Variants in SAMD5 observed in about 807,000 individuals in gnomAD.
The protein encoded by SAMD5 is sterile alpha motif domain containing 5, also known as sterile alpha motif domain-containing protein 5.
A neutral mutation model predicts 11.3 loss-of-function variants in SAMD5; 13 were observed. That is an observed-to-expected ratio of 1.15 (90% CI 0.75 to 1.83). SAMD5 has a LOEUF of 1.83. Ranked by LOEUF, SAMD5 falls within the 40% of genes most tolerant of loss-of-function variation. The probability of loss-of-function intolerance (pLI) is 0.00; values close to 1 mark genes in which losing one functional copy is unlikely to be tolerated. For missense variants in SAMD5, 255 were observed against 239.1 expected (o/e 1.07, Z -0.44); for synonymous variants, 129 against 111.3 (o/e 1.16, Z -1.00).
At chr6:147,602,127 A>G (rs1295285093) in intron 1 of SAMD5, among the ~76,000 whole-genome samples, 1 of 152,176 alleles carries the variant, frequency 6.6e-6, no homozygotes, top group African/African-American at 2.4e-5. Context: ...ATATCCTCAC[A>G]CAGATTGAGA....
At chr6:147,944,539 G>A in the SAMD5 span, among the ~76,000 whole-genome samples, 1 of 152,198 alleles carries the variant, frequency 6.6e-6, no homozygotes, top group Non-Finnish European at 1.5e-5. Context: ...TTCAAGATGA[G>A]ATTTAGGTGG....
At chr6:147,879,788 CA>C in the SAMD5 span, among the ~76,000 whole-genome samples, 9 of 151,900 alleles carry the variant, frequency 5.9e-5, no homozygotes, top group Non-Finnish European at 8.8e-5. Context: ...ACCTAGAAAC[CA>C]ACTGGATTCT....
chr6:147,949,142 T>C, the SAMD5 span, among the ~76,000 whole-genome samples: 2 of 152,326 alleles, frequency 1.3e-5, no homozygotes, highest in Admixed American at 6.5e-5. Context: ...ACATTTTAAA[T>C]TGACAAAGTT....
intron 1 of SAMD5, among the ~76,000 whole-genome samples, chr6:147,548,147 G>A (rs6942096): frequency 0.65 from 99,366 of 152,054 alleles, 32,919 homozygotes; most frequent in East Asian, 0.92. Flanking sequence ...GAGATTTAGC[G>A]GGGAGTGGGA....
the SAMD5 span, among the ~76,000 whole-genome samples, chr6:147,861,540 G>T: frequency 6.6e-6 from 1 of 152,120 alleles, no homozygotes; most frequent in Non-Finnish European, 1.5e-5. Flanking sequence ...CAAGATACCT[G>T]CCCGCACTTA....
At chr6:147,746,637 G>A in the SAMD5 span, among the ~76,000 whole-genome samples, 1 of 152,196 alleles carries the variant, frequency 6.6e-6, no homozygotes, top group African/African-American at 2.4e-5. Context: ...AAGGCTTACA[G>A]ATATGTCTTC....
the SAMD5 span, among the ~76,000 whole-genome samples, chr6:147,948,939 G>T: frequency 3.3e-5 from 5 of 152,144 alleles, no homozygotes; most frequent in African/African-American, 1.2e-4. Context: ...TCCTGCAATA[G>T]AATTTTTCTA....
chr6:147,814,551 C>T, the SAMD5 span, among the ~76,000 whole-genome samples: 1 of 152,116 alleles, frequency 6.6e-6, no homozygotes, highest in Non-Finnish European at 1.5e-5. Flanking sequence ...TTATGGCTCT[C>T]ACTGGGGGAG....
At chr6:147,553,013 A>C (rs556876366) in intron 1 of SAMD5, among the ~76,000 whole-genome samples, 41 of 152,340 alleles carry the variant, frequency 2.7e-4, no homozygotes, top group Non-Finnish European at 5.1e-4. Context: ...GTGGGTTTAC[A>C]TCACTCAGTG....
chr6:147,566,239 A>C lies in SAMD5; in HGVS notation c.*1783A>C, dbSNP rs1789038442. 1 of 979,370 alleles carries C rather than the reference A, an allele frequency of 1.0e-6. No individual in the cohort carries two copies. The highest frequency in any genetic ancestry group is 1.7e-5 in the African/African-American group (1 of 57,224). The allele number at this position is 979,370 out of a possible 1,614,324, so 60.7% of individuals were successfully genotyped here. On this transcript the variant is annotated 3_prime_UTR_variant, in exon 2 of 2. Coordinates refer to ENST00000367474, the MANE Select transcript of SAMD5 (RefSeq NM_001030060.3). Reference sequence around the variant, plus strand: ...CATGTATAGGTTGTCCTTAAATTATACAAAAGCTTTTAGTTTCATCAGGAT... The same window carrying C: ...CATGTATAGGTTGTCCTTAAATTATCCAAAAGCTTTTAGTTTCATCAGGAT...
At chr6:147,761,417 G>T in the SAMD5 span, among the ~76,000 whole-genome samples, 1 of 152,008 alleles carries the variant, frequency 6.6e-6, no homozygotes, top group East Asian at 1.9e-4. Flanking sequence ...TTAAATAAAA[G>T]AGACTAAGGT....
chr6:147,796,954 A>G, the SAMD5 span, among the ~76,000 whole-genome samples: 3 of 147,514 alleles, frequency 2.0e-5, no homozygotes, highest in Admixed American at 2.0e-4. Flanking sequence ...TTATCAGCTT[A>G]AGGAGATTTT....
chr6:147,632,277 G>A (rs1016172042), intron 1 of SAMD5, among the ~76,000 whole-genome samples: 13 of 152,164 alleles, frequency 8.5e-5, no homozygotes, highest in African/African-American at 3.1e-4. Flanking sequence ...ATTAATGATG[G>A]AGGACCCTTG....
chr6:147,590,712 C>T (rs1192099333), intron 1 of SAMD5, among the ~76,000 whole-genome samples: 1 of 152,106 alleles, frequency 6.6e-6, no homozygotes, highest in Admixed American at 6.6e-5. Flanking sequence ...CGCCTGGCCT[C>T]AGTAACTGTT....
intron 1 of SAMD5, among the ~76,000 whole-genome samples, chr6:147,675,409 C>T (rs1790848708): frequency 6.6e-6 from 1 of 152,174 alleles, no homozygotes; most frequent in Admixed American, 6.5e-5. Flanking sequence ...AAGTGAATAC[C>T]TCATATACAT....
chr6:147,617,346 C>T lies in SAMD5; in HGVS notation c.162+107959C>T, dbSNP rs556203989. ...GTGGTTGTGTGTTCAGCCCTGGCCT[C>T]CATGCCCTTGGGCCTCAAATTATGG... On this transcript the variant is annotated intron_variant, in intron 1 of 1. Coordinates refer to the SAMD5 transcript ENST00000566741. Among the ~76,000 whole-genome samples, 16 of 152,318 alleles carry T rather than the reference C, an allele frequency of 1.1e-4. No individual in the cohort carries two copies. In the South Asian group the frequency reaches 3.3e-3, roughly 32 times the overall value.
chr6:147,787,787 T>C, the SAMD5 span, among the ~76,000 whole-genome samples: 2 of 152,222 alleles, frequency 1.3e-5, no homozygotes, highest in Non-Finnish European at 2.9e-5. Flanking sequence ...AAAAGATGCA[T>C]TGGCACTGGA....
At chr6:147,879,729 A>G in the SAMD5 span, among the ~76,000 whole-genome samples, 1 of 152,200 alleles carries the variant, frequency 6.6e-6, no homozygotes, top group African/African-American at 2.4e-5. Flanking sequence ...TTTATCAGCT[A>G]GTGCTCAGCA....
chr6:147,876,559 C>G, the SAMD5 span, among the ~76,000 whole-genome samples: 1 of 152,048 alleles, frequency 6.6e-6, no homozygotes, highest in East Asian at 1.9e-4. Flanking sequence ...TTCTGTGACT[C>G]CATATTGGTG....
Sources: gnomAD v4.1 joint callset for allele counts (sites outside exome capture counted in the v4.1 genomes callset) on GRCh38, gnomAD v4.1.1 for gene constraint, MANE v1.5 for transcripts, NCBI Gene and HGNC (gene_info 2026-07-23, HGNC 2026-07-21) for gene names.